ZYG11A: variants seen among roughly 807,000 people sequenced by gnomAD.
ZYG11A encodes the protein protein zyg-11 homolog A.
ZYG11A carries 62 observed loss-of-function variants against 77.2 expected under a neutral mutation model. That is an observed-to-expected ratio of 0.80 (90% CI 0.65 to 0.99). ZYG11A has a LOEUF of 0.99. Among genes scored for constraint, ZYG11A ranks in the 50% least tolerant of loss-of-function variants. The pLI is 0.00. For missense variants in ZYG11A, 828 were observed against 896.8 expected (o/e 0.92, Z 0.98); for synonymous variants, 315 against 324.6 (o/e 0.97, Z 0.32).
At chr1:52,856,962 A>G in intron 2 of ZYG11A, 36 bp from the exon 3 acceptor site, 1 of 1,488,176 alleles carries the variant, frequency 6.7e-7, no homozygotes, top group Admixed American at 2.4e-5. Context: ...CATGAGATCT[A>G]GTTGTCATTA....
chr1:52,854,625 G>T lies in ZYG11A; in HGVS notation c.251G>T (p.Trp84Leu). The T allele has an allele frequency of 6.5e-7, 1 of 1,533,546 alleles. No homozygotes were observed. The highest frequency in any genetic ancestry group is 1.4e-5 in the African/African-American group (1 of 72,928). 95.0% of individuals were successfully genotyped at this position (1,533,546 alleles called of 1,614,324 possible). Reference protein sequence around the residue: ...VAERFLRVMTWQGKLTDRTAS... With the variant: ...VAERFLRVMTLQGKLTDRTAS... Reference sequence around the variant, plus strand: ...GAGCGATTTCTCAGGGTGATGACTTGGCAAGGTAGTGATAAGGCTTCTCTA... The same window carrying T: ...GAGCGATTTCTCAGGGTGATGACTTTGCAAGGTAGTGATAAGGCTTCTCTA... The change falls in exon 2 of 14, where the codon TGG (tryptophan) becomes TTG (leucine). Residue 84 changes from tryptophan (W) to leucine (L), a missense_variant. Trp to Leu is a moderately conservative substitution (Grantham distance 61, BLOSUM62 -2). Coordinates refer to ENST00000371528, the MANE Select transcript of ZYG11A (RefSeq NM_001004339.3).
rs1340979646 is a variant in ZYG11A, at chr1:52,864,690, G to A, written c.1326+533G>A. On this transcript the variant is annotated intron_variant, in intron 5 of 13. Coordinates refer to ENST00000371528, the MANE Select transcript of ZYG11A (RefSeq NM_001004339.3). ...AGAGATTTTCCTTCTTGTTGCCCAG[G>A]GTGGAGTGCAGTGGTATGATCTCGG... 2.0e-5 allele frequency among the ~76,000 whole-genome samples: 3 copies of A among 152,184 alleles called. No homozygotes were observed. The East Asian group carries it at 5.8e-4, about 29-fold the overall frequency.
intron 8 of ZYG11A, among the ~76,000 whole-genome samples, chr1:52,869,212 ATT>A (rs34681867): frequency 3.1e-4 from 23 of 73,738 alleles, no homozygotes; most frequent in Middle Eastern, 9.8e-3. Context: ...ACTTTATAGG[ATT>A]TTTTTTTTTT....
intron 8 of ZYG11A, among the ~76,000 whole-genome samples, chr1:52,868,100 G>A (rs1001703868): frequency 2.0e-5 from 3 of 151,236 alleles, no homozygotes; most frequent in African/African-American, 7.3e-5. Context: ...TGAGTAGCTG[G>A]GATTATAGGC....
In ZYG11A at chr1:52,867,711, T is replaced by C. The variant is rs1359530491; in HGVS notation, c.1492-16T>C. 7.7e-6 allele frequency: 12 copies of C among 1,551,462 alleles called. No individual in the cohort carries two copies. Among genetic ancestry groups the C allele is most frequent in the African/African-American group, 1.4e-5 (1 of 73,028 alleles). On this transcript the variant is annotated splice_polypyrimidine_tract_variant and intron_variant, in intron 7 of 13. Coordinates refer to ENST00000371528, the MANE Select transcript of ZYG11A (RefSeq NM_001004339.3). Reference sequence around the variant, plus strand: ...CAGGTTCCATAGTTCACTTGAGCCTTTCTGTTTGCTTATAGCTCTCACCTG... The same window carrying C: ...CAGGTTCCATAGTTCACTTGAGCCTCTCTGTTTGCTTATAGCTCTCACCTG...
chr1:52,852,392 T>A (rs1645730937), intron 1 of ZYG11A, among the ~76,000 whole-genome samples: 1 of 143,600 alleles, frequency 7.0e-6, no homozygotes, highest in Admixed American at 7.1e-5. Context: ...TTTTTTGAGG[T>A]AGAGTCTGTC....
intron 1 of ZYG11A, among the ~76,000 whole-genome samples, chr1:52,845,608 AC>A (rs1645554199): frequency 6.7e-6 from 1 of 148,720 alleles, no homozygotes; most frequent in Non-Finnish European, 1.5e-5. Flanking sequence ...ACAGGCGTGA[AC>A]CACTGCACCC....
chr1:52,878,220 T>G (rs1646297167), intron 10 of ZYG11A, among the ~76,000 whole-genome samples: 1 of 152,232 alleles, frequency 6.6e-6, no homozygotes, highest in Admixed American at 6.5e-5. Flanking sequence ...TAGTTTGAGC[T>G]CAGCTCAGCT....
chr1:52,865,195 C>T (rs942872414), intron 5 of ZYG11A, among the ~76,000 whole-genome samples: 1 of 152,078 alleles, frequency 6.6e-6, no homozygotes, highest in Non-Finnish European at 1.5e-5. Flanking sequence ...ACTGCCTTGG[C>T]CTCCCAAAGT....
At chr1:52,870,439 C>T (rs1398533198) in intron 8 of ZYG11A, among the ~76,000 whole-genome samples, 1 of 151,784 alleles carries the variant, frequency 6.6e-6, no homozygotes, top group Non-Finnish European at 1.5e-5. Context: ...CAGAGACGCC[C>T]CTCACTTCCC....
intron 10 of ZYG11A, among the ~76,000 whole-genome samples, chr1:52,879,808 G>GC (rs1050196995): frequency 2.9e-4 from 44 of 151,054 alleles, no homozygotes; most frequent in Non-Finnish European, 5.2e-4. Context: ...TGTCACCCAG[G>GC]CTGGAGTGCA....
At chr1:52,871,833 A>G (rs1646173010) in intron 8 of ZYG11A, among the ~76,000 whole-genome samples, 1 of 152,064 alleles carries the variant, frequency 6.6e-6, no homozygotes, top group South Asian at 2.1e-4. Flanking sequence ...TTTCTTTGGG[A>G]TTGTATTATA....
Position 52,854,506 on chromosome 1 carries a change from T to G in ZYG11A, c.132T>G (p.Asn44Lys), listed in dbSNP as rs1258443592. 1 of 1,551,128 alleles carries G rather than the reference T, an allele frequency of 6.4e-7. No homozygotes were observed. The highest frequency in any genetic ancestry group is 1.4e-5 in the African/African-American group (1 of 73,030). ...ACACTTTGGTCAACATCTGCCTGAA[T>G]GTCCTGATTGCTAACCTGGAGAAAT... ...SPYTLVNICL[N>K]VLIANLEKLC... Residue 44 changes from asparagine (N) to lysine (K), a missense_variant, in exon 2 of 14, where the codon AAT (asparagine) becomes AAG (lysine). Coordinates refer to ENST00000371528, the MANE Select transcript of ZYG11A (RefSeq NM_001004339.3).
intron 8 of ZYG11A, among the ~76,000 whole-genome samples, chr1:52,871,853 A>G (rs901048806): frequency 3.3e-5 from 5 of 152,234 alleles, no homozygotes; most frequent in East Asian, 3.8e-4. Flanking sequence ...AGATTGATGT[A>G]GGAAAATTGA....
intron 5 of ZYG11A, among the ~76,000 whole-genome samples, chr1:52,865,024 C>T (rs904533175): frequency 1.3e-5 from 2 of 151,872 alleles, no homozygotes; most frequent in African/African-American, 2.4e-5. Context: ...TGCAGTAGCA[C>T]GATCTTGGCT....
At chr1:52,855,483 C>T (rs1645793456) in intron 2 of ZYG11A, among the ~76,000 whole-genome samples, 1 of 151,792 alleles carries the variant, frequency 6.6e-6, no homozygotes, top group Admixed American at 6.6e-5. Context: ...AGGCACCGTG[C>T]CTGGCCCATA....
In ZYG11A at chr1:52,854,554, A is replaced by C. The variant is rs767443044; in HGVS notation, c.180A>C (p.Gly60=). The C allele has an allele frequency of 7.2e-5, 112 of 1,551,382 alleles. No individual in the cohort carries two copies. The highest frequency in any genetic ancestry group is 9.2e-5 in the Non-Finnish European group (106 of 1,146,654). ...LEKLCSERPD[G]TLCLPEHWSF... ...AATTGTGTTCTGAAAGACCTGATGG[A>C]ACACTGTGCCTTCCGGAGCATTGGA... The change falls in exon 2 of 14, where the codon GGA becomes GGC. Residue 60 remains glycine, a synonymous_variant. Transcript: ENST00000371528.
Position 52,842,839 on chromosome 1 carries a change from G to T in ZYG11A, c.-45G>T. 1 of 1,515,588 alleles carries T rather than the reference G, an allele frequency of 6.6e-7. No individual in the cohort carries two copies. Among genetic ancestry groups the T allele is most frequent in the Non-Finnish European group, 8.9e-7 (1 of 1,128,020 alleles). The allele number at this position is 1,515,588 out of a possible 1,614,324, so 93.9% of individuals were successfully genotyped here. A position where few individuals can be genotyped will look rare whatever the true frequency, so the allele number is the denominator to read the frequency against. ...TGGTTCTCGCGGGATCCGGGCTCCG[G>T]CTCGACGCCGGCTCTCTTTTTGACG... On this transcript the variant is annotated 5_prime_UTR_variant, in exon 1 of 14. Transcript: ENST00000371528.
chr1:52,852,104 C>T (rs562951025), intron 1 of ZYG11A, among the ~76,000 whole-genome samples: 4 of 151,872 alleles, frequency 2.6e-5, no homozygotes, highest in Admixed American at 6.6e-5. Context: ...TTATTAGAGA[C>T]GGGGTTTCAC....
Sources: allele counts gnomAD v4.1 joint callset (sites outside exome capture counted in the v4.1 genomes callset), GRCh38; gene constraint gnomAD v4.1.1; transcripts MANE v1.5; gene names NCBI Gene and HGNC (gene_info 2026-07-23, HGNC 2026-07-21).